Variants in PXDNL observed in about 807,000 individuals in gnomAD.
PXDNL encodes the protein peroxidasin like.
PXDNL carries 145 observed loss-of-function variants against 150.8 expected under a neutral mutation model. That is an observed-to-expected ratio of 0.96 (90% confidence interval 0.84 to 1.10). PXDNL has a LOEUF of 1.10. PXDNL is among the 50% of genes least tolerant of loss of function. PXDNL has a pLI of 0.00. For missense variants in PXDNL, 2,087 were observed against 1,873.9 expected (o/e 1.11, Z -2.10); for synonymous variants, 757 against 725.7 (o/e 1.04, Z -0.69).
chr8:51,725,654 A>G (rs1480664842), intron 1 of PXDNL, among the ~76,000 whole-genome samples: 1 of 152,154 alleles, frequency 6.6e-6, no homozygotes, highest in East Asian at 1.9e-4. Flanking sequence ...CCTGGTTGTG[A>G]AATCTGTGTT....
At chr8:51,377,316 G>A (rs1264768438) in intron 17 of PXDNL, among the ~76,000 whole-genome samples, 1 of 151,958 alleles carries the variant, frequency 6.6e-6, no homozygotes, top group African/African-American at 2.4e-5. Context: ...ATGCTGGACT[G>A]CAGTGGTGCA....
At position 51,409,205 on chromosome 8, in the gene PXDNL, C is replaced by T; in HGVS notation, c.2419G>A (p.Gly807Ser). Residue 807 changes from glycine (G) to serine (S), a missense_variant, in exon 17 of 23, where the codon GGC becomes AGC. Gly to Ser is a moderately conservative substitution (Grantham distance 56). Transcript: ENST00000356297. ...TCCAAGTCGTGCTCTAGAAACCAGC[C>T]CCAGTGCATGAGCATGCGCGTGTAG... The part of the protein sequence containing the change: ...HSYTRMLMHW[G>S]WFLEHDLDHT... 6.3e-7 allele frequency: 1 copy of T among 1,584,704 alleles called. No individual in the cohort carries two copies. The highest frequency in any genetic ancestry group is 1.1e-5 in the South Asian group (1 of 88,196).
chr8:51,674,176 T>C (rs1410900433), intron 1 of PXDNL, among the ~76,000 whole-genome samples: 1 of 152,152 alleles, frequency 6.6e-6, no homozygotes, highest in Non-Finnish European at 1.5e-5. Context: ...TTGCCTCTCT[T>C]CCTCCAACTA....
chr8:51,802,480 T>A (rs188512837), intron 1 of PXDNL, among the ~76,000 whole-genome samples: 1 of 152,216 alleles, frequency 6.6e-6, no homozygotes, highest in Non-Finnish European at 1.5e-5. Context: ...TCTGTGAATT[T>A]TTTTTCAGGT....
chr8:51,759,781 C>T (rs2037141866), intron 1 of PXDNL, among the ~76,000 whole-genome samples: 3 of 152,244 alleles, frequency 2.0e-5, no homozygotes, highest in Admixed American at 2.0e-4. Flanking sequence ...AGACAGATGT[C>T]TGAACATTTA....
intron 17 of PXDNL, among the ~76,000 whole-genome samples, chr8:51,392,946 G>T (rs1184049020): frequency 1.3e-5 from 2 of 152,130 alleles, no homozygotes; most frequent in Non-Finnish European, 2.9e-5. Flanking sequence ...ACACTATTGG[G>T]AGTAGTCTCA....
chr8:51,775,936 C>G, intron 1 of PXDNL, among the ~76,000 whole-genome samples: 1 of 152,160 alleles, frequency 6.6e-6, no homozygotes, highest in African/African-American at 2.4e-5. Context: ...TCGCTGAATT[C>G]TTTTTCTCAG....
At chr8:51,769,376 A>G (rs188311950) in intron 1 of PXDNL, among the ~76,000 whole-genome samples, 1 of 152,322 alleles carries the variant, frequency 6.6e-6, no homozygotes, top group Admixed American at 6.5e-5. Context: ...TGAAGAATTC[A>G]AATCTCTGCC....
intron 5 of PXDNL, among the ~76,000 whole-genome samples, chr8:51,486,765 TATATATATATATATATATATATATATATA>T (rs1227456670): frequency 9.4e-5 from 1 of 10,678 alleles, no homozygotes; most frequent in African/African-American, 3.0e-4. Flanking sequence ...TATATATATA[TATATATATATATATATATATATATATATA>T]TTTTTTTTTT....
intron 17 of PXDNL, among the ~76,000 whole-genome samples, chr8:51,381,298 T>C (rs764787976): frequency 6.6e-6 from 1 of 152,334 alleles, no homozygotes; most frequent in South Asian, 2.1e-4. Flanking sequence ...TTAGGTCTTC[T>C]AGAGTCTTTT....
chr8:51,771,527 G>T (rs1244729553), intron 1 of PXDNL, among the ~76,000 whole-genome samples: 1 of 152,188 alleles, frequency 6.6e-6, no homozygotes. Flanking sequence ...CAGTCCTTCA[G>T]ATGCCAAAGA....
rs923414167 is a variant in PXDNL, at chr8:51,345,940, C to G, written c.3909G>C (p.Arg1303Ser). 7 of 1,607,016 alleles carry G rather than the reference C, an allele frequency of 4.4e-6. No homozygotes were observed. In the East Asian group the frequency reaches 1.6e-4, roughly 36 times the overall value. Residue 1303 changes from arginine to serine, a missense_variant, in exon 20 of 23, where the codon AGG becomes AGC. Arg to Ser is a moderately radical substitution (Grantham distance 110). Coordinates refer to ENST00000356297, the MANE Select transcript of PXDNL (RefSeq NM_144651.5). ...TCACTGCTCTGAACTGTCCTCTACT[C>G]CTACAGTCTGTGGGGAAAGAAGTAA... ...RVWQDCCADC[R>S]SRGQFRAVTQ... is the part of the protein sequence containing the mutation.
intron 1 of PXDNL, among the ~76,000 whole-genome samples, chr8:51,668,752 T>G (rs1815440634): frequency 6.6e-6 from 1 of 152,216 alleles, no homozygotes. Context: ...TATCATCTTC[T>G]TTTCAAAAAA....
At chr8:51,744,568 C>T (rs1455494626) in intron 1 of PXDNL, among the ~76,000 whole-genome samples, 2 of 140,322 alleles carry the variant, frequency 1.4e-5, no homozygotes, top group Non-Finnish European at 3.0e-5. Flanking sequence ...CCCAGCTACT[C>T]AGGAGGCTGA....
intron 1 of PXDNL, among the ~76,000 whole-genome samples, chr8:51,731,712 C>A (rs1816936475): frequency 1.3e-5 from 2 of 152,206 alleles, no homozygotes; most frequent in Admixed American, 1.3e-4. Context: ...GGCAGGGGTT[C>A]CCAAACCTCA....
At chr8:51,735,739 G>T (rs1206007540) in intron 1 of PXDNL, among the ~76,000 whole-genome samples, 1 of 149,750 alleles carries the variant, frequency 6.7e-6, no homozygotes, top group Non-Finnish European at 1.5e-5. Context: ...GTAGAGACGG[G>T]GTTTCACCGT....
chr8:51,374,127 G>A (rs1463478946), intron 18 of PXDNL, among the ~76,000 whole-genome samples: 1 of 152,142 alleles, frequency 6.6e-6, no homozygotes, highest in East Asian at 1.9e-4. Context: ...GGGTCATCAG[G>A]TCTTCCTCCA....
intron 4 of PXDNL, among the ~76,000 whole-genome samples, chr8:51,547,572 G>A (rs1034361777): frequency 1.2e-4 from 18 of 152,124 alleles, no homozygotes; most frequent in Non-Finnish European, 7.4e-5. Flanking sequence ...CTACTGGGTG[G>A]CTAGACCCAG....
intron 1 of PXDNL, among the ~76,000 whole-genome samples, chr8:51,743,961 AAG>A (rs61485858): frequency 0.93 from 89,367 of 96,392 alleles, 42,706 homozygotes; most frequent in Non-Finnish European, 0.96. Flanking sequence ...AGAAAGAAAA[AAG>A]AGAGAGAAAA....
Sources: gnomAD v4.1 joint callset for allele counts (sites outside exome capture counted in the v4.1 genomes callset) on GRCh38, gnomAD v4.1.1 for gene constraint, MANE v1.5 for transcripts, NCBI Gene and HGNC (gene_info 2026-07-23, HGNC 2026-07-21) for gene names.